Variants in ZNF568 observed in about 807,000 individuals in gnomAD.
ZNF568 encodes the protein p53 inhibitor of SCO2 activation.
Under a neutral mutation model 18.1 loss-of-function variants are expected in ZNF568, and 11 were observed. The ratio of observed to expected loss-of-function variants is 0.61; its 90% CI spans 0.38 to 1.00. The LOEUF (loss-of-function observed/expected upper bound fraction) is 1.00, where lower values mean the gene tolerates loss of function less well. Ranked by LOEUF, ZNF568 falls within the 50% of genes least tolerant of loss-of-function variation. The probability of loss-of-function intolerance (pLI) is 0.01; values close to 1 mark genes in which losing one functional copy is unlikely to be tolerated. For synonymous variants in ZNF568, 213 were observed against 246.6 expected, an observed-to-expected ratio of 0.86 and a Z score of 1.28; for missense variants, 639 against 768.2, an observed-to-expected ratio of 0.83 and a Z score of 1.99.
intron 4 of ZNF568, among the ~76,000 whole-genome samples, chr19:36,929,423 C>T (rs529257164): frequency 2.6e-5 from 4 of 152,138 alleles, no homozygotes; most frequent in Non-Finnish European, 4.4e-5. Context: ...TGGTGGCTCA[C>T]GCCTGTAATC....
intron 2 of ZNF568, among the ~76,000 whole-genome samples, chr19:36,988,757 A>G (rs1262541046): frequency 1.3e-5 from 2 of 152,128 alleles, no homozygotes; most frequent in African/African-American, 4.8e-5. Context: ...ATGGGGTACA[A>G]TTTGATGTTT....
intron 4 of ZNF568, among the ~76,000 whole-genome samples, chr19:36,932,299 C>T (rs1400905119): frequency 6.6e-6 from 1 of 152,092 alleles, no homozygotes; most frequent in African/African-American, 2.4e-5. Context: ...AAGAATTGCC[C>T]CACTGTTAGC....
intron 6 of ZNF568, among the ~76,000 whole-genome samples, chr19:36,939,532 CTTTTTTT>C (rs386388962): frequency 0.33 from 30,351 of 92,794 alleles, 2,356 homozygotes; most frequent in Middle Eastern, 0.38. Flanking sequence ...TATTTTCTTT[CTTTTTTT>C]TTTTTTTTTT....
intron 6 of ZNF568, among the ~76,000 whole-genome samples, chr19:36,943,940 C>T (rs575667798): frequency 6.6e-6 from 1 of 152,116 alleles, no homozygotes; most frequent in East Asian, 1.9e-4. Context: ...GTAAGTTTCC[C>T]GCTCCAGACA....
At chr19:36,987,094 G>T (rs1348352488) in intron 2 of ZNF568, among the ~76,000 whole-genome samples, 1 of 152,188 alleles carries the variant, frequency 6.6e-6, no homozygotes, top group Non-Finnish European at 1.5e-5. Flanking sequence ...ATTAATATAT[G>T]TAAGGCACCA....
downstream of ZNF568, among the ~76,000 whole-genome samples, chr19:36,956,488 T>TC (rs1392390371): frequency 6.6e-6 from 1 of 152,146 alleles, no homozygotes; most frequent in Non-Finnish European, 1.5e-5. Context: ...CCAAGAGATC[T>TC]CCCCAATAAA....
chr19:36,968,485 A>C (rs1357829249), intron 6 of ZNF568, among the ~76,000 whole-genome samples: 1 of 150,548 alleles, frequency 6.6e-6, no homozygotes, highest in African/African-American at 2.4e-5. Flanking sequence ...CAGAGGTTGC[A>C]GTGACCTGAG....
At chr19:36,983,220 A>T (rs1429194105), downstream of ZNF568, among the ~76,000 whole-genome samples, 3 of 152,184 alleles carry the variant, frequency 2.0e-5, no homozygotes, top group Non-Finnish European at 4.4e-5. Context: ...ACAGAGCCTA[A>T]GATACTTACT....
chr19:36,938,416 T>C (rs1437349484), intron 6 of ZNF568, among the ~76,000 whole-genome samples: 1 of 152,092 alleles, frequency 6.6e-6, no homozygotes, highest in African/African-American at 2.4e-5. Context: ...ATCAATAGCT[T>C]TCATATATAC....
intron 4 of ZNF568, among the ~76,000 whole-genome samples, chr19:36,996,061 T>TC (rs2074468166): frequency 6.6e-6 from 1 of 152,010 alleles, no homozygotes; most frequent in Non-Finnish European, 1.5e-5. Context: ...ATCACAAGGG[T>TC]CTTTAAATGT....
chr19:36,937,059 T>C (rs1402188667), intron 5 of ZNF568, 88 bp from the exon 6 acceptor site: 19 of 1,429,812 alleles, frequency 1.3e-5, no homozygotes, highest in Non-Finnish European at 1.7e-5. Flanking sequence ...CCTCATCTTT[T>C]ATAAGCCCTC....
chr19:36,955,245 G>GT (rs1401784551), downstream of ZNF568, among the ~76,000 whole-genome samples: 18 of 150,030 alleles, frequency 1.2e-4, no homozygotes, highest in Admixed American at 2.0e-4. Context: ...TCTTTTTAAT[G>GT]TTTTTTGTTT....
chr19:36,974,503 C>T (rs759544713), intron 7 of ZNF568: 13 of 1,525,936 alleles, frequency 8.5e-6, no homozygotes, highest in East Asian at 4.9e-5. Flanking sequence ...AAAGGACTTA[C>T]TGGTTTTCAG....
intron 2 of ZNF568, among the ~76,000 whole-genome samples, chr19:36,918,717 C>G (rs970865940): frequency 6.6e-6 from 1 of 152,136 alleles, no homozygotes; most frequent in African/African-American, 2.4e-5. Flanking sequence ...GTTATGGTAC[C>G]GTCACCACCA....
chr19:36,936,038 T>C (rs1365017596), intron 4 of ZNF568, among the ~76,000 whole-genome samples: 2 of 152,200 alleles, frequency 1.3e-5, no homozygotes, highest in Non-Finnish European at 2.9e-5. Context: ...TTTTTGTTTC[T>C]CCTTTACTGC....
At chr19:36,964,591 T>C (rs1423495060) in intron 6 of ZNF568, among the ~76,000 whole-genome samples, 4 of 152,136 alleles carry the variant, frequency 2.6e-5, no homozygotes, top group East Asian at 1.9e-4. Context: ...GGTGGGAAGA[T>C]AGCTTGAGCC....
At chr19:36,938,575 G>A (rs920816286) in intron 6 of ZNF568, among the ~76,000 whole-genome samples, 3 of 152,152 alleles carry the variant, frequency 2.0e-5, no homozygotes, top group Non-Finnish European at 2.9e-5. Context: ...GGAAACTAGA[G>A]TCCCTGAGGT....
chr19:36,943,643 T>C (rs1196517865), intron 6 of ZNF568, among the ~76,000 whole-genome samples: 1 of 152,098 alleles, frequency 6.6e-6, no homozygotes, highest in Non-Finnish European at 1.5e-5. Flanking sequence ...GGTGTGATCT[T>C]AGCTCACTGC....
intron 2 of ZNF568, among the ~76,000 whole-genome samples, chr19:36,984,913 T>A (rs906538275): frequency 2.0e-5 from 3 of 151,584 alleles, no homozygotes; most frequent in African/African-American, 7.3e-5. Context: ...TAGGCATGGA[T>A]TTATTTTTAT....
Sources: allele counts gnomAD v4.1 joint callset (sites outside exome capture counted in the v4.1 genomes callset), GRCh38; gene constraint gnomAD v4.1.1; transcripts MANE v1.5; gene names NCBI Gene and HGNC (gene_info 2026-07-23, HGNC 2026-07-21).